SLC35B3: variants seen among roughly 807,000 people sequenced by gnomAD.
The protein encoded by SLC35B3 is solute carrier family 35 member B3, also known as adenosine 3'-phospho 5'-phosphosulfate transporter 2.
SLC35B3 carries 35 observed loss-of-function variants against 44.1 expected under a neutral mutation model. That is an observed-to-expected ratio of 0.79 (90% CI 0.61 to 1.05). The LOEUF is 1.05. SLC35B3 is among the 50% of genes least tolerant of loss of function. The pLI, the probability that SLC35B3 is intolerant of heterozygous loss-of-function variation, is 0.00. For missense variants in SLC35B3, 414 were observed against 476.4 expected, an observed-to-expected ratio of 0.87 and a Z score of 1.22; for synonymous variants, 146 against 167.3, an observed-to-expected ratio of 0.87 and a Z score of 0.98.
rs116734551 is a variant in SLC35B3 at position 8,419,700 on chromosome 6, C to A, written c.683-23G>T. 646 of 1,350,338 alleles carry A rather than the reference C, an allele frequency of 4.8e-4. 1 individual carries two copies. The African/African-American group carries it at 8.7e-3, about 18-fold the overall frequency. The allele number at this position is 1,350,338 out of a possible 1,614,324, so 83.6% of individuals were successfully genotyped here. Reference sequence around the variant, plus strand: ...CACCTTCAAGAAGGTATTAAAAAAACAAACAAAAAAACCCTCCTTATTTAA... The same window carrying A: ...CACCTTCAAGAAGGTATTAAAAAAAAAAACAAAAAAACCCTCCTTATTTAA... On this transcript the variant is annotated intron_variant, in intron 6 of 10. Transcript: ENST00000644923. The surrounding 1 kb of genome is among the most constrained non-coding windows in gnomAD (Gnocchi z 4.3).
At chr6:8,424,345 C>G (rs952246941) in intron 4 of SLC35B3, among the ~76,000 whole-genome samples, 7 of 152,174 alleles carry the variant, frequency 4.6e-5, no homozygotes, top group Non-Finnish European at 1.0e-4. Flanking sequence ...CTCCGCCTCC[C>G]AGGTTCAAAC....
intron 9 of SLC35B3, among the ~76,000 whole-genome samples, chr6:8,415,292 T>TC (rs920424153): frequency 3.3e-5 from 5 of 152,208 alleles, no homozygotes; most frequent in Non-Finnish European, 4.4e-5. Flanking sequence ...AGAAAGGCTT[T>TC]CCTATGGAAG....
At chr6:8,414,842 T>C in intron 10 of SLC35B3, 66 bp downstream of exon 9, 1 of 842,354 alleles carries the variant, frequency 1.2e-6, no homozygotes, top group Non-Finnish European at 1.8e-6. Flanking sequence ...GAAATTAAGA[T>C]TAAGAGGAAA....
chr6:8,425,429 T>C (rs929533618), intron 4 of SLC35B3, among the ~76,000 whole-genome samples: 2 of 152,128 alleles, frequency 1.3e-5, no homozygotes, highest in African/African-American at 4.8e-5. Flanking sequence ...TGTTTTCTCA[T>C]TGGTAAAATG....
At position 8,432,531 on chromosome 6, in the gene SLC35B3, C is replaced by G. The variant is rs1168215953; in HGVS notation, c.3+1854G>C. Among the ~76,000 whole-genome samples the G allele has an allele frequency of 1.3e-5, 2 of 151,870 alleles. No homozygotes were observed. The highest frequency in any genetic ancestry group is 2.9e-5 in the Non-Finnish European group (2 of 67,986). On this transcript the variant is annotated intron_variant, in intron 2 of 10. Coordinates refer to ENST00000644923, the MANE Select transcript of SLC35B3 (RefSeq NM_001370476.2). This position sits in a 1 kb window ranked among gnomAD's most constrained non-coding sequence, Gnocchi z 4.8. ...GAAAGCAGTATAGCATAATGCTTTC[C>G]CCATGCTTTGGAATTTTGACAGATA...
In SLC35B3 at chr6:8,413,129, T is replaced by A. The variant is rs1007969541; in HGVS notation, c.*420A>T. The A allele has an allele frequency of 6.5e-6, 1 of 153,744 alleles. No homozygotes were observed. The highest frequency in any genetic ancestry group is 1.5e-5 in the Non-Finnish European group (1 of 68,844). The allele number at this position is 153,744 out of a possible 1,614,324, so 9.5% of individuals were successfully genotyped here. A position where few individuals can be genotyped will look rare whatever the true frequency, so the allele number is the denominator to read the frequency against. Reference sequence around the variant, plus strand: ...AATGTTATTCTCTCCAGACTTCAACTCATCAGTTTACTCTTATAACAGAGA... The same window carrying A: ...AATGTTATTCTCTCCAGACTTCAACACATCAGTTTACTCTTATAACAGAGA... On this transcript the variant is annotated 3_prime_UTR_variant, in exon 11 of 11. Transcript: ENST00000644923.
At chr6:8,431,604 C>G (rs977841500) in intron 2 of SLC35B3, among the ~76,000 whole-genome samples, 2 of 152,160 alleles carry the variant, frequency 1.3e-5, no homozygotes, top group African/African-American at 4.8e-5. Context: ...GTTTATTCTT[C>G]ACTTTCCTTT....
intron 4 of SLC35B3, 151 bp from the exon 4 acceptor site, chr6:8,422,775 A>C (rs1429333163): frequency 4.8e-5 from 30 of 630,432 alleles, no homozygotes; most frequent in Non-Finnish European, 7.4e-5. Flanking sequence ...CTATTTAAAA[A>C]CTGTAATGCT....
Position 8,413,652 on chromosome 6 carries a change from A to C in SLC35B3, c.1103T>G (p.Val368Gly). 1 of 1,586,894 alleles carries C rather than the reference A, an allele frequency of 6.3e-7. No homozygotes were observed. The highest frequency in any genetic ancestry group is 8.6e-7 in the Non-Finnish European group (1 of 1,160,646). The stretch of plus-strand genomic sequence containing the variant: ...TATTTTATCCATATTTTTGCTGTAA[A>C]CATTAAGAAATATACCAAGGACAAC... Residue 368 changes from valine to glycine, a missense_variant, in exon 11 of 11, where the codon GTT (valine) becomes GGT (glycine). Val to Gly is a moderately radical substitution (Grantham distance 109). Transcript: ENST00000644923.
chr6:8,435,321 A>T lies in SLC35B3; in HGVS notation c.-44+22T>A. 1 of 1,289,296 alleles carries T rather than the reference A, an allele frequency of 7.8e-7. No individual in the cohort carries two copies. The highest frequency in any genetic ancestry group is 1.0e-6 in the Non-Finnish European group (1 of 988,854). The allele number at this position is 1,289,296 out of a possible 1,614,324, so 79.9% of individuals were successfully genotyped here. On this transcript the variant is annotated intron_variant, in intron 1 of 10. Coordinates refer to ENST00000644923, the MANE Select transcript of SLC35B3 (RefSeq NM_001370476.2). This position sits in a 1 kb window ranked among gnomAD's most constrained non-coding sequence, Gnocchi z 5.5. ...GGAGATCTGGGTCCCAAACACAGGA[A>T]AGGCCCCGAAGGCACGCGTACCCCA...
chr6:8,415,587 T>C (rs2113255422), intron 9 of SLC35B3, among the ~76,000 whole-genome samples: 1 of 152,306 alleles, frequency 6.6e-6, no homozygotes, highest in South Asian at 2.1e-4. Flanking sequence ...ATCTTCCCAC[T>C]TGACTATGTG....
Position 8,435,149 on chromosome 6 carries a change from C to G in SLC35B3, c.-44+194G>C. 7.8e-7 allele frequency: 1 copy of G among 1,282,510 alleles called. No homozygotes were observed. The highest frequency in any genetic ancestry group is 1.0e-6 in the Non-Finnish European group (1 of 985,718). The allele number at this position is 1,282,510 out of a possible 1,614,324, so 79.4% of individuals were successfully genotyped here. ...AGGGCGAAAAACGGGCGAGGAGGAA[C>G]AGATGCTCCTCCCTGGAAACCGCCC... On this transcript the variant is annotated intron_variant, in intron 1 of 10. Coordinates refer to ENST00000644923, the MANE Select transcript of SLC35B3 (RefSeq NM_001370476.2). The surrounding 1 kb of genome is among the most constrained non-coding windows in gnomAD (Gnocchi z 5.5).
chr6:8,424,404 G>A (rs1763223347), intron 4 of SLC35B3, among the ~76,000 whole-genome samples: 1 of 152,100 alleles, frequency 6.6e-6, no homozygotes, highest in Non-Finnish European at 1.5e-5. Context: ...AGGATTACAA[G>A]TGCCCGCCAC....
rs1762065567 is a variant in SLC35B3, at chr6:8,411,496, C to A, written c.*2053G>T. On this transcript the variant is annotated 3_prime_UTR_variant, in exon 11 of 11. Coordinates refer to ENST00000644923, the MANE Select transcript of SLC35B3 (RefSeq NM_001370476.2). Reference sequence around the variant, plus strand: ...GATTTGAGAAAGTTGACAAGTTTTTCTTTCAAGTACAAATCCTTTTCTTCT... The same window carrying A: ...GATTTGAGAAAGTTGACAAGTTTTTATTTCAAGTACAAATCCTTTTCTTCT... 1.3e-5 allele frequency among the ~76,000 whole-genome samples: 2 copies of A among 152,140 alleles called. No individual in the cohort carries two copies. Among genetic ancestry groups the A allele is most frequent in the African/African-American group, 4.8e-5 (2 of 41,452 alleles).
intron 4 of SLC35B3, among the ~76,000 whole-genome samples, chr6:8,427,094 T>C (rs528371917): frequency 1.3e-5 from 2 of 152,326 alleles, no homozygotes; most frequent in African/African-American, 2.4e-5. Flanking sequence ...TTGGGTGCTG[T>C]TGAAAGCATT....
Position 8,428,084 on chromosome 6 carries a change from T to A in SLC35B3, c.298-26A>T. The A allele has an allele frequency of 1.3e-6, 2 of 1,527,038 alleles. 1 individual carries two copies. The highest frequency in any genetic ancestry group is 4.1e-5 in the Admixed American group (2 of 48,638). The allele number at this position is 1,527,038 out of a possible 1,614,324, so 94.6% of individuals were successfully genotyped here. A position where few individuals can be genotyped will look rare whatever the true frequency, so the allele number is the denominator to read the frequency against. On this transcript the variant is annotated intron_variant, in intron 3 of 10. Transcript: ENST00000644923. Reference sequence around the variant, plus strand: ...CTGTCAAAAGACACATGAACACTGTTAAGTCCAAGGCAGCACACTAATTTC... The same window carrying A: ...CTGTCAAAAGACACATGAACACTGTAAAGTCCAAGGCAGCACACTAATTTC...
chr6:8,430,344 A>C (rs9393011), intron 2 of SLC35B3, among the ~76,000 whole-genome samples, 187 bp from the exon 2 acceptor site: 75,549 of 151,864 alleles, frequency 0.5, 19,688 homozygotes, highest in African/African-American at 0.67. Flanking sequence ...CAATTTGTCT[A>C]CAGCTGATAA....
chr6:8,411,503 G>A lies in SLC35B3; in HGVS notation c.*2046C>T, dbSNP rs1042192259. On this transcript the variant is annotated 3_prime_UTR_variant, in exon 11 of 11. Transcript: ENST00000644923. ...GAAAGTTGACAAGTTTTTCTTTCAA[G>A]TACAAATCCTTTTCTTCTTAAAAGT... 7.2e-5 allele frequency among the ~76,000 whole-genome samples: 11 copies of A among 152,134 alleles called. No homozygotes were observed. The East Asian group carries it at 1.2e-3, about 16-fold the overall frequency.
intron 4 of SLC35B3, among the ~76,000 whole-genome samples, chr6:8,423,407 G>A (rs1161181700): frequency 1.7e-5 from 2 of 116,978 alleles, no homozygotes; most frequent in Non-Finnish European, 3.4e-5. Flanking sequence ...TTAAGATGAG[G>A]TATCTGACTC....
Sources: allele counts gnomAD v4.1 joint callset (sites outside exome capture counted in the v4.1 genomes callset), GRCh38; gene constraint gnomAD v4.1.1; non-coding constraint Gnocchi (gnomAD v3.1); transcripts MANE v1.5; gene names NCBI Gene and HGNC (gene_info 2026-07-23, HGNC 2026-07-21).